The following KLK3 variants were observed in gnomAD, a reference collection of about 807,000 sequenced individuals.
KLK3 encodes the protein prostate-specific antigen.
Under a neutral mutation model 27.7 loss-of-function variants are expected in KLK3, and 23 were observed. The ratio of observed to expected loss-of-function variants is 0.83; its 90% CI spans 0.60 to 1.17. KLK3 has a LOEUF of 1.17. KLK3 is among the 50% of genes most tolerant of loss of function. The pLI, the probability that KLK3 is intolerant of heterozygous loss-of-function variation, is 0.00. For synonymous variants in KLK3, 142 were observed against 134.2 expected (o/e 1.06, Z -0.40); for missense variants, 322 against 338.1 (o/e 0.95, Z 0.37).
chr19:50,855,040 G>A (rs1347315877), intron 1 of KLK3, 39 bp downstream of exon 1: 1 of 1,605,658 alleles, frequency 6.2e-7, no homozygotes, highest in Non-Finnish European at 8.5e-7. Context: ...AGGAGAGGGA[G>A]CCAGCCCTGA....
Position 50,856,338 on chromosome 19 carries a change from G to C in KLK3, c.145G>C (p.Val49Leu), listed in dbSNP as rs747094712. ...QVLVASRGRAVCGGVLVHPQW... is the reference protein window; with the variant it reads ...QVLVASRGRALCGGVLVHPQW... ...GCTTGTGGCCTCTCGTGGCAGGGCA[G>C]TCTGCGGCGGTGTTCTGGTGCACCC... The change falls in exon 2 of 5, where the codon GTC becomes CTC. Residue 49 changes from valine to leucine, a missense_variant. Physicochemically the swap from Val to Leu is conservative, Grantham distance 32 (BLOSUM62 1). Transcript: ENST00000326003. 3.1e-6 allele frequency: 5 copies of C among 1,613,826 alleles called. No individual in the cohort carries two copies. The highest frequency in any genetic ancestry group is 4.2e-6 in the Non-Finnish European group (5 of 1,180,028).
In KLK3 at chr19:50,859,402, G is replaced by A. The variant is rs528871007; in HGVS notation, c.631-570G>A. On this transcript the variant is annotated intron_variant, in intron 4 of 4. Transcript: ENST00000326003. Reference sequence around the variant, plus strand: ...GAGGGAGGGCAGCAGGGATGTGGAGGGAGTGATGATGGGGCTGACCTGGGG... The same window carrying A: ...GAGGGAGGGCAGCAGGGATGTGGAGAGAGTGATGATGGGGCTGACCTGGGG... 1.3e-4 allele frequency: 91 copies of A among 683,116 alleles called. 2 individuals carry two copies. The South Asian group carries it at 1.5e-3, about 11-fold the overall frequency. 42.3% of individuals were successfully genotyped at this position (683,116 alleles called of 1,614,324 possible). A position where few individuals can be genotyped will look rare whatever the true frequency, so the allele number is the denominator to read the frequency against.
intron 2 of KLK3, among the ~76,000 whole-genome samples, chr19:50,856,978 C>A (rs1188665340): frequency 2.6e-5 from 4 of 151,742 alleles, no homozygotes; most frequent in Non-Finnish European, 4.4e-5. Context: ...GCCTGGCCAA[C>A]TGGTGAAACC....
chr19:50,856,496 G>A, intron 2 of KLK3, 97 bp downstream of exon 2: 1 of 1,446,766 alleles, frequency 6.9e-7, no homozygotes, highest in East Asian at 2.3e-5. Context: ...GCCAGCCTTG[G>A]GACTGGGGGA....
chr19:50,855,272 G>T (rs2090140008), intron 1 of KLK3: 2 of 531,162 alleles, frequency 3.8e-6, no homozygotes, highest in South Asian at 4.9e-5. Flanking sequence ...CTTTACTAAA[G>T]GGGAAGTTCC....
rs1331645410 is a variant in KLK3 at position 50,855,932 on chromosome 19, G to A, written c.47-308G>A. Reference sequence around the variant, plus strand: ...TCCAAGACCCCAAATCACCACAAAGGACCCAATCCCCAGACTCAAGATATG... The same window carrying A: ...TCCAAGACCCCAAATCACCACAAAGAACCCAATCCCCAGACTCAAGATATG... On this transcript the variant is annotated intron_variant, in intron 1 of 4. Coordinates refer to ENST00000326003, the MANE Select transcript of KLK3 (RefSeq NM_001648.2). 4 of 238,226 alleles carry A rather than the reference G, an allele frequency of 1.7e-5. 1 individual carries two copies. The East Asian group carries it at 4.0e-4, about 24-fold the overall frequency. The allele number at this position is 238,226 out of a possible 1,614,324, so 14.8% of individuals were successfully genotyped here. A position where few individuals can be genotyped will look rare whatever the true frequency, so the allele number is the denominator to read the frequency against.
chr19:50,859,395 T>A lies in KLK3; in HGVS notation c.631-577T>A, dbSNP rs888999762. ...CTGCAGGGAGGGAGGGCAGCAGGGA[T>A]GTGGAGGGAGTGATGATGGGGCTGA... On this transcript the variant is annotated intron_variant, in intron 4 of 4. Transcript: ENST00000326003. 5.6e-5 allele frequency: 37 copies of A among 655,048 alleles called. No individual in the cohort carries two copies. The Admixed American group carries it at 7.8e-4, about 14-fold the overall frequency. The allele number at this position is 655,048 out of a possible 1,614,324, so 40.6% of individuals were successfully genotyped here. A position where few individuals can be genotyped will look rare whatever the true frequency, so the allele number is the denominator to read the frequency against.
chr19:50,859,115 C>T, intron 4 of KLK3: 1 of 202,870 alleles, frequency 4.9e-6, no homozygotes, highest in Non-Finnish European at 1.0e-5. Context: ...GCAGAGGGAA[C>T]AGCATCTGGC....
At position 50,860,282 on chromosome 19, in the gene KLK3, T is replaced by C; in HGVS notation, c.*155T>C. The C allele has an allele frequency of 1.7e-6, 1 of 588,896 alleles. No individual in the cohort carries two copies. Among genetic ancestry groups the C allele is most frequent in the African/African-American group, 1.9e-5 (1 of 53,534 alleles). The allele number at this position is 588,896 out of a possible 1,614,324, so 36.5% of individuals were successfully genotyped here. The stretch of plus-strand genomic sequence containing the variant: ...CAGCAGACACAGGTGTAGACCAGAG[T>C]GTTTCTTAAATGGTGTAATTTTGTC... On this transcript the variant is annotated 3_prime_UTR_variant, in exon 5 of 5. Transcript: ENST00000326003.
At chr19:50,857,584 C>T (rs62113212) in intron 2 of KLK3, 8,048 of 162,514 alleles carry the variant, frequency 0.05, 268 homozygotes, top group Non-Finnish European at 0.073. Context: ...GGATTCCTCT[C>T]TACTTGGTTC....
At chr19:50,857,209 T>C (rs1599992119) in intron 2 of KLK3, among the ~76,000 whole-genome samples, 1 of 131,680 alleles carries the variant, frequency 7.6e-6, no homozygotes, top group African/African-American at 2.8e-5. Context: ...GAAAAGGAAG[T>C]GTTTTATCCC....
In KLK3 at chr19:50,860,121, C is replaced by A. The variant is rs1183081708; in HGVS notation, c.780C>A (p.Asn260Lys). The A allele has an allele frequency of 1.2e-5, 19 of 1,610,342 alleles. No homozygotes were observed. Among genetic ancestry groups the A allele is most frequent in the African/African-American group, 6.7e-5 (5 of 74,846 alleles). The change falls in exon 5 of 5, where the codon AAC becomes AAA. Residue 260 changes from asparagine to lysine, a missense_variant. Physicochemically the swap from Asn to Lys is moderately conservative, Grantham distance 94 (BLOSUM62 0). Coordinates refer to ENST00000326003, the MANE Select transcript of KLK3 (RefSeq NM_001648.2). ...RKWIKDTIVA[N>K]P ...GGATCAAGGACACCATCGTGGCCAA[C>A]CCCTGAGCACCCCTATCAACCCCCT...
chr19:50,859,634 A>G (rs2090172092), intron 4 of KLK3: 1 of 1,611,196 alleles, frequency 6.2e-7, no homozygotes, highest in South Asian at 1.1e-5. Flanking sequence ...GTAGTCCTGG[A>G]AGGTGGCCTC....
chr19:50,858,492 T>C lies in KLK3; in HGVS notation c.527T>C (p.Leu176Pro). Residue 176 changes from leucine (L) to proline (P), a missense_variant, in exon 4 of 5, where the codon CTC becomes CCC. Physicochemically the swap from Leu to Pro is moderately conservative, Grantham distance 98 (BLOSUM62 -3). Transcript: ENST00000326003. ...LTPKKLQCVD[L>P]HVISNDVCAQ... ...CCAAAGAAACTTCAGTGTGTGGACC[T>C]CCATGTTATTTCCAATGACGTGTGT... is the stretch of plus-strand genomic sequence containing the variant. 1 of 1,614,182 alleles carries C rather than the reference T, an allele frequency of 6.2e-7. No individual in the cohort carries two copies.
chr19:50,855,079 A>T, intron 1 of KLK3, 78 bp downstream of exon 1: 1 of 1,444,992 alleles, frequency 6.9e-7, no homozygotes, highest in Non-Finnish European at 9.7e-7. Context: ...TTCCCCCCCA[A>T]CCCAGCACCC....
intron 1 of KLK3, 44 bp from the exon 2 acceptor site, chr19:50,856,196 C>G: frequency 6.4e-7 from 1 of 1,564,396 alleles, no homozygotes; most frequent in Non-Finnish European, 8.7e-7. Flanking sequence ...CCCCCAGTTC[C>G]TCCTGTCAAC....
intron 2 of KLK3, chr19:50,856,685 T>C (rs2090149570): frequency 2.6e-6 from 1 of 381,304 alleles, no homozygotes; most frequent in South Asian, 3.9e-5. Flanking sequence ...GTTCTCTCTC[T>C]CCCTCTCTTC....
Position 50,860,400 on chromosome 19 carries a change from G to T in KLK3, c.*273G>T, listed in dbSNP as rs1393715156. The T allele has an allele frequency of 2.9e-6, 1 of 343,450 alleles. No homozygotes were observed. Among genetic ancestry groups the T allele is most frequent in the African/African-American group, 2.1e-5 (1 of 48,200 alleles). 21.3% of individuals were successfully genotyped at this position (343,450 alleles called of 1,614,324 possible). On this transcript the variant is annotated 3_prime_UTR_variant, in exon 5 of 5. Transcript: ENST00000326003. ...ATAGGATGGGGTGTCTGTGTTATTT[G>T]TGGGGTACAGAGATGAAAGAGGGGT...
rs1278627602 is a variant in KLK3, at chr19:50,860,747, A to C, written c.*620A>C. 6.6e-6 allele frequency: 1 copy of C among 152,200 alleles called. No individual in the cohort carries two copies. Among genetic ancestry groups the C allele is most frequent in the Non-Finnish European group, 1.5e-5 (1 of 68,042 alleles). The allele number at this position is 152,200 out of a possible 1,614,324, so 9.4% of individuals were successfully genotyped here. A position where few individuals can be genotyped will look rare whatever the true frequency, so the allele number is the denominator to read the frequency against. ...TTTCCTAGTAGAACTCACAGAAATAAAGAGCTGTTATACTGTGGTTTATTC... is the reference window on the plus strand; with the variant it reads ...TTTCCTAGTAGAACTCACAGAAATACAGAGCTGTTATACTGTGGTTTATTC... On this transcript the variant is annotated 3_prime_UTR_variant, in exon 5 of 5. Transcript: ENST00000326003.
Sources: allele counts gnomAD v4.1 joint callset (sites outside exome capture counted in the v4.1 genomes callset), GRCh38; gene constraint gnomAD v4.1.1; transcripts MANE v1.5; gene names NCBI Gene and HGNC (gene_info 2026-07-23, HGNC 2026-07-21).